The following CEACAM4 variants were observed in gnomAD, a reference collection of about 807,000 sequenced individuals.
CEACAM4 encodes the protein CEA cell adhesion molecule 4.
Under a neutral mutation model 28.7 loss-of-function variants are expected in CEACAM4, and 30 were observed. That is an observed-to-expected ratio of 1.05 (90% CI 0.78 to 1.42). The LOEUF is 1.42. Ranked by LOEUF, CEACAM4 falls within the 40% of genes most tolerant of loss-of-function variation. CEACAM4 has a pLI of 0.00. For synonymous variants in CEACAM4, 143 were observed against 126.5 expected, an observed-to-expected ratio of 1.13 and a Z score of -0.87; for missense variants, 330 against 308.2, an observed-to-expected ratio of 1.07 and a Z score of -0.53.
At chr19:41,614,791 G>C (rs2122389519), downstream of CEACAM4, among the ~76,000 whole-genome samples, 1 of 152,274 alleles carries the variant, frequency 6.6e-6, no homozygotes, top group East Asian at 1.9e-4. Context: ...GGTGTTCTAG[G>C]AGGGGCCACC....
intron 4 of CEACAM4, 129 bp from the exon 5 acceptor site, chr19:41,620,371 C>A: frequency 1.0e-6 from 1 of 966,228 alleles, no homozygotes; most frequent in Non-Finnish European, 1.5e-6. Flanking sequence ...GAGACCTGAG[C>A]AGCTGAGGTC....
At chr19:41,617,097 C>G (rs145002029), downstream of CEACAM4, among the ~76,000 whole-genome samples, 3 of 152,298 alleles carry the variant, frequency 2.0e-5, no homozygotes, top group East Asian at 3.9e-4. Context: ...TCCTGCAGTT[C>G]CCTCCTATCT....
intron 2 of CEACAM4, among the ~76,000 whole-genome samples, chr19:41,622,605 A>G (rs2071360005): frequency 6.6e-6 from 1 of 152,200 alleles, no homozygotes; most frequent in Admixed American, 6.5e-5. Flanking sequence ...GACTTACAGT[A>G]CCTCAGTAAG....
chr19:41,619,210 CTG>C lies in CEACAM4; in HGVS notation c.*118_*119del, dbSNP rs1555799904. 3 of 814,456 alleles carry C rather than the reference CTG, an allele frequency of 3.7e-6. No individual in the cohort carries two copies. Among genetic ancestry groups the C allele is most frequent in the South Asian group, 1.4e-5 (1 of 71,464 alleles). 50.5% of individuals were successfully genotyped at this position (814,456 alleles called of 1,614,324 possible). On this transcript the variant is annotated 3_prime_UTR_variant, in exon 7 of 7. Transcript: ENST00000221954. The stretch of plus-strand genomic sequence containing the variant: ...CTCCCATCCCTCCCTGTCCCCAGGC[CTG>C]TGTCTCCTCAGGACTCAGAGCTGGT...
At chr19:41,621,847 G>T in intron 2 of CEACAM4, 79 bp from the exon 3 acceptor site, 1 of 802,592 alleles carries the variant, frequency 1.2e-6, no homozygotes, top group Non-Finnish European at 2.1e-6. Flanking sequence ...CAGGGCAGGG[G>T]CATAGTCAGG....
intron 2 of CEACAM4, among the ~76,000 whole-genome samples, chr19:41,625,379 G>GC (rs145574063): frequency 0.035 from 5,353 of 152,038 alleles, 186 homozygotes; most frequent in East Asian, 0.18. Flanking sequence ...CCCTGCTGAG[G>GC]CCCCCCCGCC....
chr19:41,620,148 C>T lies in CEACAM4; in HGVS notation c.627+63G>A, dbSNP rs559562638. ...GCTGTGCTGTGGGGTTGATGGTCCCCCTGCCCTGAGCCTGCACTGTTGGGA... is the reference window on the plus strand; with the variant it reads ...GCTGTGCTGTGGGGTTGATGGTCCCTCTGCCCTGAGCCTGCACTGTTGGGA... On this transcript the variant is annotated intron_variant, in intron 5 of 6. Transcript: ENST00000221954. The T allele has an allele frequency of 1.6e-4, 226 of 1,404,146 alleles. No individual in the cohort carries two copies. The East Asian group carries it at 4.9e-3, about 30-fold the overall frequency. 87.0% of individuals were successfully genotyped at this position (1,404,146 alleles called of 1,614,324 possible).
intron 1 of CEACAM4, among the ~76,000 whole-genome samples, chr19:41,626,426 G>A (rs996143021): frequency 3.1e-4 from 47 of 152,274 alleles, no homozygotes; most frequent in Admixed American, 8.5e-4. Context: ...CTGTGAGGGC[G>A]GGGACTTGTG....
chr19:41,627,042 G>C lies in CEACAM4; in HGVS notation c.-79C>G. On this transcript the variant is annotated 5_prime_UTR_variant, in exon 1 of 7. Transcript: ENST00000221954. The stretch of plus-strand genomic sequence containing the variant: ...TCTTGTCAGAGCTGCTGTGACTGTC[G>C]GCTGTCGGGGCTGCTGACCTTCCTC... 1 of 1,251,236 alleles carries C rather than the reference G, an allele frequency of 8.0e-7. No homozygotes were observed. Among genetic ancestry groups the C allele is most frequent in the African/African-American group, 1.6e-5 (1 of 64,354 alleles). 77.5% of individuals were successfully genotyped at this position (1,251,236 alleles called of 1,614,324 possible). A position where few individuals can be genotyped will look rare whatever the true frequency, so the allele number is the denominator to read the frequency against.
At chr19:41,622,255 T>A (rs1452077208) in intron 2 of CEACAM4, among the ~76,000 whole-genome samples, 1 of 152,038 alleles carries the variant, frequency 6.6e-6, no homozygotes, top group Non-Finnish European at 1.5e-5. Context: ...TTTTTATATT[T>A]TTAGTAGAGA....
downstream of CEACAM4, among the ~76,000 whole-genome samples, chr19:41,614,659 A>C (rs75796931): frequency 6.6e-6 from 1 of 152,144 alleles, no homozygotes; most frequent in Non-Finnish European, 1.5e-5. Flanking sequence ...GAGCCCTGAG[A>C]TATCCTAAGC....
intron 3 of CEACAM4, 71 bp downstream of exon 3, chr19:41,621,580 G>T (rs1555801504): frequency 1.3e-6 from 1 of 792,278 alleles, no homozygotes; most frequent in African/African-American, 1.7e-5. Flanking sequence ...CTGAATACAG[G>T]GCGGGGTCTC....
At chr19:41,619,480 G>T (rs545289593) in intron 6 of CEACAM4, 85 bp from the exon 7 acceptor site, 5 of 1,586,640 alleles carry the variant, frequency 3.2e-6, no homozygotes, top group Non-Finnish European at 4.3e-6. Context: ...CCCACCCAGG[G>T]CTTCTCTGGG....
chr19:41,626,063 A>AGTGTGTGTGTGTGT (rs61710351), intron 1 of CEACAM4, 103 bp from the exon 2 acceptor site: 12 of 653,320 alleles, frequency 1.8e-5, no homozygotes, highest in East Asian at 8.3e-5. Context: ...TCAGCCTTGG[A>AGTGTGTGTGTGTGT]GTGTGTGTGT....
chr19:41,619,236 G>A lies in CEACAM4; in HGVS notation c.*94C>T. The A allele has an allele frequency of 9.7e-7, 1 of 1,025,924 alleles. No individual in the cohort carries two copies. Among genetic ancestry groups the A allele is most frequent in the Non-Finnish European group, 1.5e-6 (1 of 652,462 alleles). The allele number at this position is 1,025,924 out of a possible 1,614,324, so 63.6% of individuals were successfully genotyped here. ...TGTGTCTCCTCAGGACTCAGAGCTG[G>A]TTCTCTGGCTCAGGCTCCATGTCCT... On this transcript the variant is annotated 3_prime_UTR_variant, in exon 7 of 7. Transcript: ENST00000221954.
intron 1 of CEACAM4, among the ~76,000 whole-genome samples, chr19:41,626,252 G>A (rs563999362): frequency 6.6e-6 from 1 of 152,202 alleles, no homozygotes; most frequent in African/African-American, 2.4e-5. Flanking sequence ...GCTCACATCA[G>A]GGTGTTTTTG....
Position 41,626,960 on chromosome 19 carries a change from C to T in CEACAM4, c.4G>A (p.Gly2Ser). 6.2e-7 allele frequency: 1 copy of T among 1,604,080 alleles called. No homozygotes were observed. The highest frequency in any genetic ancestry group is 8.5e-7 in the Non-Finnish European group (1 of 1,174,918). Residue 2 changes from glycine (G) to serine (S), a missense_variant, in exon 1 of 7, where the codon GGC becomes AGC. By Grantham distance (56) the Gly-to-Ser change is moderately conservative. Coordinates refer to ENST00000221954, the MANE Select transcript of CEACAM4 (RefSeq NM_001817.4). M[G>S]PPSAAPRGGH... is the part of the protein sequence containing the mutation. ...CCACGGGGAGCGGCTGAGGGGGGGC[C>T]CATGGTCTCTGCTGCCTGCTTGTCC...
At chr19:41,623,542 G>T (rs567523019) in intron 2 of CEACAM4, among the ~76,000 whole-genome samples, 3 of 151,566 alleles carry the variant, frequency 2.0e-5, no homozygotes, top group South Asian at 2.1e-4. Flanking sequence ...GGTGGTGAGT[G>T]GGGGGAGGGA....
chr19:41,616,897 G>C (rs1443173580), downstream of CEACAM4, among the ~76,000 whole-genome samples: 2 of 152,200 alleles, frequency 1.3e-5, no homozygotes, highest in African/African-American at 4.8e-5. Flanking sequence ...CAGGCTGTGA[G>C]CCCCCCAAGA....
Sources: allele counts gnomAD v4.1 joint callset (sites outside exome capture counted in the v4.1 genomes callset), GRCh38; gene constraint gnomAD v4.1.1; transcripts MANE v1.5; gene names NCBI Gene and HGNC (gene_info 2026-07-23, HGNC 2026-07-21).